YME1L1: variants seen among roughly 807,000 people sequenced by gnomAD.
The protein encoded by YME1L1 is YME1 like 1 ATPase.
YME1L1 carries 39 observed loss-of-function variants against 90.4 expected under a neutral mutation model. The observed-to-expected ratio is 0.43, with a 90% CI of 0.33 to 0.56. The LOEUF (loss-of-function observed/expected upper bound fraction) is 0.56. YME1L1 is among the 20% of genes least tolerant of loss of function. The probability of loss-of-function intolerance (pLI) is 0.03; values close to 1 mark genes in which losing one functional copy is unlikely to be tolerated. For missense variants in YME1L1, 617 were observed against 868.4 expected, an observed-to-expected ratio of 0.71 and a Z score of 3.64; for synonymous variants, 284 against 287.3, an observed-to-expected ratio of 0.99 and a Z score of 0.12.
intron 18 of YME1L1, among the ~76,000 whole-genome samples, chr10:27,113,989 AAAGACTCAATAAAC>A (rs1159129385): frequency 6.6e-6 from 1 of 151,994 alleles, no homozygotes; most frequent in Non-Finnish European, 1.5e-5. Context: ...AATACATGTC[AAAGACTCAATAAAC>A]AATACTCTTC....
At chr10:27,129,760 A>G (rs201926725) in intron 8 of YME1L1, among the ~76,000 whole-genome samples, 1 of 100,906 alleles carries the variant, frequency 9.9e-6, no homozygotes, top group Non-Finnish European at 2.1e-5. Context: ...TTTTGACTTA[A>G]TATAAATTCA....
intron 9 of YME1L1, among the ~76,000 whole-genome samples, chr10:27,126,008 CATAGAAGAATATCCTTATTCTTAGGAAA>C (rs1210326630): frequency 1.3e-5 from 2 of 152,076 alleles, no homozygotes; most frequent in East Asian, 3.8e-4. Context: ...TCTGGAGTTA[CATAGAAGAATATCCTTATTCTTAGGAAA>C]TACACACTTG....
At chr10:27,124,892 A>G (rs1020840556) in intron 9 of YME1L1, among the ~76,000 whole-genome samples, 3 of 152,196 alleles carry the variant, frequency 2.0e-5, no homozygotes, top group Non-Finnish European at 2.9e-5. Context: ...TGGACACCAC[A>G]TAAGCCATCA....
intron 1 of YME1L1, chr10:27,153,351 G>C: frequency 4.6e-6 from 2 of 435,618 alleles, no homozygotes; most frequent in South Asian, 3.3e-5. Flanking sequence ...ACAATCATAT[G>C]CTTAAATCAA....
At chr10:27,153,186 A>G (rs770848423) in intron 1 of YME1L1, 1 of 470,762 alleles carries the variant, frequency 2.1e-6, no homozygotes, top group South Asian at 1.5e-5. Context: ...TATTTACTTC[A>G]TATCAATATT....
chr10:27,134,030 A>G lies in YME1L1; in HGVS notation c.775+9T>C. 6.3e-7 allele frequency: 1 copy of G among 1,586,136 alleles called. No homozygotes were observed. Among genetic ancestry groups the G allele is most frequent in the Non-Finnish European group, 8.6e-7 (1 of 1,161,792 alleles). On this transcript the variant is annotated intron_variant, in intron 7 of 18. Transcript: ENST00000376016. ...AGAAATAAGTTAGACAAATAAAAAA[A>G]GCTTTTACCAGATAAAAATGGGTTT...
At chr10:27,122,393 T>G (rs1227614989) in intron 11 of YME1L1, among the ~76,000 whole-genome samples, 1 of 152,246 alleles carries the variant, frequency 6.6e-6, no homozygotes, top group Non-Finnish European at 1.5e-5. Context: ...TATTGAGTTT[T>G]AAGATACTTC....
chr10:27,122,397 A>G (rs758487317), intron 11 of YME1L1, among the ~76,000 whole-genome samples: 9 of 152,190 alleles, frequency 5.9e-5, no homozygotes, highest in Non-Finnish European at 8.8e-5. Flanking sequence ...GAGTTTTAAG[A>G]TACTTCTTTC....
Position 27,122,717 on chromosome 10 carries a change from A to G in YME1L1, c.1235+124T>C, listed in dbSNP as rs2056879434. ...AGGGACTACTCTGTTTCCTATACAC[A>G]TCACATTTTTCATATCTCTAGATAT... On this transcript the variant is annotated intron_variant, in intron 11 of 18. Transcript: ENST00000376016. The G allele has an allele frequency of 2.2e-6, 3 of 1,336,954 alleles. No individual in the cohort carries two copies. The East Asian group carries it at 7.1e-5, about 32-fold the overall frequency. 82.8% of individuals were successfully genotyped at this position (1,336,954 alleles called of 1,614,324 possible).
At chr10:27,153,943 TCTC>T (rs2057272276) in intron 1 of YME1L1, among the ~76,000 whole-genome samples, 3 of 127,138 alleles carry the variant, frequency 2.4e-5, no homozygotes, top group Non-Finnish European at 3.5e-5. Flanking sequence ...CCAGGGTCTC[TCTC>T]TATCACTGAG....
Position 27,116,271 on chromosome 10 carries a change from C to G in YME1L1, c.1794G>C (p.Met598Ile). 1 of 1,614,168 alleles carries G rather than the reference C, an allele frequency of 6.2e-7. No homozygotes were observed. Among genetic ancestry groups the G allele is most frequent in the Non-Finnish European group, 8.5e-7 (1 of 1,180,030 alleles). The change falls in exon 16 of 19, where the codon ATG becomes ATC. Residue 598 changes from methionine to isoleucine, a missense_variant. Met to Ile is a conservative substitution (Grantham distance 10, BLOSUM62 1). Coordinates refer to ENST00000376016, the MANE Select transcript of YME1L1 (RefSeq NM_014263.4). ...TAAGCTCCTCTGCCACTCTTCCTCC[C>G]ATACTAACATCCATTTGTGCAAGCA... ...AQLLAQMDVS[M>I]GGRVAEELIF...
At chr10:27,132,354 C>T (rs1346570142) in intron 7 of YME1L1, among the ~76,000 whole-genome samples, 1 of 152,038 alleles carries the variant, frequency 6.6e-6, no homozygotes, top group Non-Finnish European at 1.5e-5. Flanking sequence ...CCGCCTCAGC[C>T]TCCCAAAGTG....
intron 4 of YME1L1, among the ~76,000 whole-genome samples, chr10:27,140,102 C>T (rs900138462): frequency 2.0e-5 from 3 of 151,996 alleles, no homozygotes; most frequent in Admixed American, 6.6e-5. Context: ...CAGGTTCAAG[C>T]GATTATCCTG....
chr10:27,154,031 CT>C (rs780680250), intron 1 of YME1L1, 146 bp downstream of exon 1: 11 of 1,092,642 alleles, frequency 1.0e-5, no homozygotes, highest in Admixed American at 8.9e-5. Flanking sequence ...GCGTCGTCCC[CT>C]GATCCACTCC....
Position 27,111,673 on chromosome 10 carries a change from C to A in YME1L1, c.*304G>T. The stretch of plus-strand genomic sequence containing the variant: ...TTTTTATCAAATCTAGTAGAGTAAC[C>A]AAACATAAAATCATTAATTACTTTC... On this transcript the variant is annotated 3_prime_UTR_variant, in exon 19 of 19. Coordinates refer to ENST00000376016, the MANE Select transcript of YME1L1 (RefSeq NM_014263.4). The A allele has an allele frequency of 2.4e-6, 1 of 417,738 alleles. No individual in the cohort carries two copies. The highest frequency in any genetic ancestry group is 4.5e-6 in the Non-Finnish European group (1 of 223,836). 25.9% of individuals were successfully genotyped at this position (417,738 alleles called of 1,614,324 possible). A position where few individuals can be genotyped will look rare whatever the true frequency, so the allele number is the denominator to read the frequency against.
intron 9 of YME1L1, among the ~76,000 whole-genome samples, chr10:27,124,525 T>TA (rs535919216): frequency 1.3e-5 from 2 of 152,088 alleles, no homozygotes; most frequent in East Asian, 1.9e-4. Flanking sequence ...CATTTTAACA[T>TA]AAAAAAAATT....
chr10:27,153,120 A>G (rs564856050), intron 1 of YME1L1: 10 of 459,526 alleles, frequency 2.2e-5, no homozygotes, highest in Non-Finnish European at 4.5e-5. Context: ...ACCTCCAGGT[A>G]TTTTTCTGTA....
rs2056881124 is a variant in YME1L1 at position 27,122,910 on chromosome 10, T to C, written c.1166A>G (p.Lys389Arg). The C allele has an allele frequency of 6.2e-7, 1 of 1,613,434 alleles. No individual in the cohort carries two copies. Among genetic ancestry groups the C allele is most frequent in the Admixed American group, 1.7e-5 (1 of 59,988 alleles). ...FIDELDSVGG[K>R]RIESPMHPYS... ...TGGATGCATTGGAGATTCAATTCTC[T>C]TCCCACCAACAGAATCTAATTCATC... The change falls in exon 11 of 19, where the codon AAG becomes AGG. Residue 389 changes from lysine (K) to arginine (R), a missense_variant. Lys to Arg is a conservative substitution (Grantham distance 26, BLOSUM62 2). Coordinates refer to ENST00000376016, the MANE Select transcript of YME1L1 (RefSeq NM_014263.4).
At chr10:27,153,321 TA>T in intron 1 of YME1L1, 1 of 462,648 alleles carries the variant, frequency 2.2e-6, no homozygotes. Flanking sequence ...TGAGGGGGAG[TA>T]AAAGTTACAC....
Sources: allele counts gnomAD v4.1 joint callset (sites outside exome capture counted in the v4.1 genomes callset), GRCh38; gene constraint gnomAD v4.1.1; transcripts MANE v1.5; gene names NCBI Gene and HGNC (gene_info 2026-07-23, HGNC 2026-07-21).